The following SLC39A11 variants were observed in gnomAD, a reference collection of about 807,000 sequenced individuals.
SLC39A11 encodes zinc transporter ZIP11.
Under a neutral mutation model 36.1 loss-of-function variants are expected in SLC39A11, and 33 were observed. That is an observed-to-expected ratio of 0.91 (90% CI 0.69 to 1.22). The LOEUF is 1.22. Among genes scored for constraint, SLC39A11 ranks in the 50% most tolerant of loss-of-function variants. The probability of loss-of-function intolerance (pLI) is 0.00; values close to 1 mark genes in which losing one functional copy is unlikely to be tolerated. For missense variants in SLC39A11, 432 were observed against 430.3 expected, an observed-to-expected ratio of 1.00 and a Z score of -0.03; for synonymous variants, 166 against 170.3, an observed-to-expected ratio of 0.97 and a Z score of 0.20.
At chr17:73,074,944 C>T (rs2060274419) in intron 3 of SLC39A11, among the ~76,000 whole-genome samples, 1 of 152,136 alleles carries the variant, frequency 6.6e-6, no homozygotes, top group South Asian at 2.1e-4. Context: ...AGTGCTTCTT[C>T]CTTGATAGAA....
At chr17:72,913,793 G>C (rs1313720241) in intron 5 of SLC39A11, among the ~76,000 whole-genome samples, 1 of 151,874 alleles carries the variant, frequency 6.6e-6, no homozygotes, top group African/African-American at 2.4e-5. Context: ...GATAGACTCT[G>C]TATCTCAGTC....
intron 4 of SLC39A11, among the ~76,000 whole-genome samples, chr17:73,029,768 G>A (rs2058681152): frequency 6.6e-6 from 1 of 152,086 alleles, no homozygotes; most frequent in African/African-American, 2.4e-5. Context: ...TTTTAGTAAA[G>A]ATGGGGTTTC....
chr17:73,074,525 C>T (rs1307278104), intron 3 of SLC39A11, among the ~76,000 whole-genome samples: 3 of 152,124 alleles, frequency 2.0e-5, no homozygotes, highest in Non-Finnish European at 4.4e-5. Context: ...TCTCGAACTC[C>T]TGGCCTCGTG....
chr17:72,790,146 T>C (rs988166144), intron 6 of SLC39A11, among the ~76,000 whole-genome samples: 6 of 152,208 alleles, frequency 3.9e-5, no homozygotes, highest in African/African-American at 1.4e-4. Flanking sequence ...TTTATTTTTG[T>C]CTTTCGAAAG....
Position 73,026,023 on chromosome 17 carries a change from C to T in SLC39A11, c.306+5533G>A, listed in dbSNP as rs138316978. On this transcript the variant is annotated intron_variant, in intron 4 of 9. Transcript: ENST00000255559. ...ATCCCAGCTACTCAAGAGGCTGAGG[C>T]GGGAGAACAACTTGAACCCGGGAGG... is the stretch of plus-strand genomic sequence containing the variant. 5.0e-3 allele frequency among the ~76,000 whole-genome samples: 760 copies of T among 152,042 alleles called. 6 individuals carry two copies. Among genetic ancestry groups the T allele is most frequent in the East Asian group, 0.029 (148 of 5,164 alleles).
chr17:72,958,805 T>C (rs2086409854), intron 4 of SLC39A11, among the ~76,000 whole-genome samples: 1 of 150,374 alleles, frequency 6.7e-6, no homozygotes, highest in Middle Eastern at 3.5e-3. Context: ...GAGCCAAGAA[T>C]GTGCCACTGC....
At chr17:72,670,542 ATC>A (rs1339075039) in intron 7 of SLC39A11, among the ~76,000 whole-genome samples, 6 of 152,090 alleles carry the variant, frequency 3.9e-5, no homozygotes, top group Admixed American at 2.0e-4. Flanking sequence ...TATAAGCAAG[ATC>A]TGTTTCATCT....
intron 4 of SLC39A11, among the ~76,000 whole-genome samples, chr17:73,012,923 G>A (rs1256021694): frequency 6.6e-6 from 1 of 151,768 alleles, no homozygotes; most frequent in East Asian, 1.9e-4. Context: ...CTCAGCCTCT[G>A]GAGTAGCTGA....
At chr17:73,076,659 C>T (rs1463393415) in intron 3 of SLC39A11, among the ~76,000 whole-genome samples, 3 of 152,154 alleles carry the variant, frequency 2.0e-5, no homozygotes, top group South Asian at 4.1e-4. Flanking sequence ...AAAGCCTTTA[C>T]GATACCACAC....
intron 7 of SLC39A11, among the ~76,000 whole-genome samples, chr17:72,667,210 C>G (rs1388657721): frequency 6.6e-6 from 1 of 152,054 alleles, no homozygotes; most frequent in Non-Finnish European, 1.5e-5. Context: ...AGTTAATAGC[C>G]CTGAAGTCTA....
Position 72,985,980 on chromosome 17 carries a change from T to G in SLC39A11, c.307-38105A>C, listed in dbSNP as rs1486022001. Among the ~76,000 whole-genome samples the G allele has an allele frequency of 2.6e-5, 4 of 152,138 alleles. No individual in the cohort carries two copies. In the South Asian group the frequency reaches 8.3e-4, roughly 32 times the overall value. ...AAATACTACGGGAAGACTGGAGTTA[T>G]GCTACTAGAAGCCAAGGAACCACCA... On this transcript the variant is annotated intron_variant, in intron 4 of 9. Coordinates refer to ENST00000255559, the MANE Select transcript of SLC39A11 (RefSeq NM_139177.4).
At chr17:72,781,105 T>C (rs574131127) in intron 6 of SLC39A11, among the ~76,000 whole-genome samples, 8 of 152,358 alleles carry the variant, frequency 5.3e-5, no homozygotes, top group African/African-American at 1.7e-4. Context: ...TCTCTCCTCT[T>C]TCCTGGGCTT....
chr17:72,649,339 G>A (rs866322605), intron 7 of SLC39A11, 71 bp from the exon 8 acceptor site: 34 of 1,409,806 alleles, frequency 2.4e-5, no homozygotes, highest in African/African-American at 5.7e-5. Flanking sequence ...GTCCCTGGCC[G>A]AGGCCAAGAC....
intron 6 of SLC39A11, chr17:72,823,616 T>C (rs1012476030): frequency 3.3e-5 from 5 of 151,460 alleles, no homozygotes; most frequent in African/African-American, 1.2e-4. Context: ...CCTGATATCA[T>C]TACTCAGAGT....
At chr17:72,721,210 C>T (rs982194560) in intron 7 of SLC39A11, among the ~76,000 whole-genome samples, 4 of 152,070 alleles carry the variant, frequency 2.6e-5, no homozygotes, top group African/African-American at 9.7e-5. Flanking sequence ...GATTCTCCCG[C>T]CTCAGCCTCC....
intron 5 of SLC39A11, among the ~76,000 whole-genome samples, chr17:72,868,401 T>C (rs2080418757): frequency 6.6e-6 from 1 of 151,630 alleles, no homozygotes; most frequent in Non-Finnish European, 1.5e-5. Context: ...AAGAAATAAG[T>C]TTTAGGCCAT....
At chr17:72,922,097 A>G (rs534700817) in intron 5 of SLC39A11, among the ~76,000 whole-genome samples, 33 of 152,182 alleles carry the variant, frequency 2.2e-4, no homozygotes, top group Non-Finnish European at 4.1e-4. Context: ...CAGCAAAGAT[A>G]TGGCTCCCAC....
intron 4 of SLC39A11, among the ~76,000 whole-genome samples, chr17:72,972,242 C>A (rs536294172): frequency 1.3e-5 from 2 of 152,128 alleles, no homozygotes; most frequent in Non-Finnish European, 2.9e-5. Context: ...ACAGCCATCA[C>A]GGCCCATCAT....
chr17:72,922,180 T>C (rs2083705213), intron 5 of SLC39A11, among the ~76,000 whole-genome samples: 1 of 152,100 alleles, frequency 6.6e-6, no homozygotes, highest in Non-Finnish European at 1.5e-5. Flanking sequence ...TAATGAGAGT[T>C]GGGTATCAAA....
Sources: gnomAD v4.1 joint callset for allele counts (sites outside exome capture counted in the v4.1 genomes callset) on GRCh38, gnomAD v4.1.1 for gene constraint, MANE v1.5 for transcripts, NCBI Gene and HGNC (gene_info 2026-07-23, HGNC 2026-07-21) for gene names.